Variants in SRD5A2 observed in about 807,000 individuals in gnomAD.
The protein encoded by SRD5A2 is 3-oxo-5-alpha-steroid 4-dehydrogenase 2.
SRD5A2 carries 30 observed loss-of-function variants against 27.4 expected under a neutral mutation model. The ratio of observed to expected loss-of-function variants is 1.10; its 90% CI spans 0.82 to 1.49. The LOEUF is 1.49. SRD5A2 is among the 40% of genes most tolerant of loss of function. The probability of loss-of-function intolerance (pLI) is 0.00; values close to 1 mark genes in which losing one functional copy is unlikely to be tolerated. For missense variants in SRD5A2, 348 were observed against 323.4 expected (o/e 1.08, Z -0.58); for synonymous variants, 141 against 133.6 (o/e 1.06, Z -0.38).
chr2:31,640,188 G>GT, the SRD5A2 span, among the ~76,000 whole-genome samples: 548 of 143,534 alleles, frequency 3.8e-3, 1 homozygote, highest in South Asian at 0.018. Flanking sequence ...TCAGCTGTGT[G>GT]TTTTTTTTTT....
chr2:31,598,893 A>C, the SRD5A2 span, among the ~76,000 whole-genome samples: 1 of 152,142 alleles, frequency 6.6e-6, no homozygotes, highest in South Asian at 2.1e-4. Context: ...TGGATGAAAA[A>C]ACAAGATCCA....
At chr2:31,606,192 G>A in the SRD5A2 span, among the ~76,000 whole-genome samples, 31 of 151,900 alleles carry the variant, frequency 2.0e-4, 1 homozygote, top group Non-Finnish European at 3.1e-4. Flanking sequence ...TAATGGGTAC[G>A]AAATGTAGAA....
chr2:31,593,823 C>T, the SRD5A2 span, among the ~76,000 whole-genome samples: 1 of 152,232 alleles, frequency 6.6e-6, no homozygotes, highest in East Asian at 1.9e-4. Context: ...TAAAGAAAAA[C>T]CTGTCAGATT....
At chr2:31,611,927 A>G in the SRD5A2 span, among the ~76,000 whole-genome samples, 1 of 152,192 alleles carries the variant, frequency 6.6e-6, no homozygotes, top group East Asian at 1.9e-4. Flanking sequence ...ATATAGGAGA[A>G]TAGAAAAACA....
At chr2:31,566,167 T>C (rs1666724457) in intron 1 of SRD5A2, among the ~76,000 whole-genome samples, 1 of 152,008 alleles carries the variant, frequency 6.6e-6, no homozygotes, top group African/African-American at 2.4e-5. Context: ...TAAATTAAAA[T>C]GGTAACAACA....
At chr2:31,600,211 AT>A in the SRD5A2 span, among the ~76,000 whole-genome samples, 361 of 152,052 alleles carry the variant, frequency 2.4e-3, 2 homozygotes, top group African/African-American at 8.4e-3. Flanking sequence ...TATGTGCCAC[AT>A]TTTTTTATCC....
At chr2:31,621,004 G>C in the SRD5A2 span, among the ~76,000 whole-genome samples, 1 of 146,322 alleles carries the variant, frequency 6.8e-6, no homozygotes, top group African/African-American at 2.5e-5. Context: ...ATTTTTAAGG[G>C]TCAGATAGCA....
chr2:31,637,807 A>T, the SRD5A2 span, among the ~76,000 whole-genome samples: 1 of 152,034 alleles, frequency 6.6e-6, no homozygotes, highest in African/African-American at 2.4e-5. Context: ...ATTATTTCTG[A>T]TTTTATTCAT....
chr2:31,572,741 C>A (rs6749019), intron 1 of SRD5A2, among the ~76,000 whole-genome samples: 78,565 of 151,902 alleles, frequency 0.52, 20,544 homozygotes, highest in Non-Finnish European at 0.54. Context: ...TACAAGAGGG[C>A]AGGCAGAGAG....
At chr2:31,574,514 CA>C (rs1666916767) in intron 1 of SRD5A2, among the ~76,000 whole-genome samples, 1 of 152,120 alleles carries the variant, frequency 6.6e-6, no homozygotes, top group Admixed American at 6.5e-5. Flanking sequence ...GTGAAGTGGT[CA>C]CGATCTCCAA....
At chr2:31,654,188 G>T in the SRD5A2 span, among the ~76,000 whole-genome samples, 13 of 152,208 alleles carry the variant, frequency 8.5e-5, no homozygotes, top group East Asian at 2.3e-3. Flanking sequence ...TATACCTGCT[G>T]TTTGCAAAAA....
chr2:31,543,821 A>C (rs1251791703), intron 1 of SRD5A2, among the ~76,000 whole-genome samples: 1 of 152,128 alleles, frequency 6.6e-6, no homozygotes, highest in African/African-American at 2.4e-5. Flanking sequence ...AAATATAAAA[A>C]TTATAGAAGT....
the SRD5A2 span, among the ~76,000 whole-genome samples, chr2:31,587,119 G>T: frequency 6.6e-6 from 1 of 152,280 alleles, no homozygotes; most frequent in East Asian, 1.9e-4. Context: ...AGACATTTAT[G>T]CGGCCAACAA....
chr2:31,634,696 C>T, the SRD5A2 span, among the ~76,000 whole-genome samples: 1 of 151,946 alleles, frequency 6.6e-6, no homozygotes, highest in Admixed American at 6.6e-5. Context: ...ACTCCCTTCC[C>T]TTCCCAGCCT....
chr2:31,583,614 G>GAA (rs1215302510), upstream of SRD5A2, among the ~76,000 whole-genome samples: 4 of 19,092 alleles, frequency 2.1e-4, no homozygotes, highest in Admixed American at 8.0e-4. Context: ...CTCCTTCCAG[G>GAA]AAAAAAAAAA....
the SRD5A2 span, among the ~76,000 whole-genome samples, chr2:31,635,972 T>C: frequency 6.6e-6 from 1 of 152,068 alleles, no homozygotes; most frequent in Non-Finnish European, 1.5e-5. Flanking sequence ...TGAAGTCAAG[T>C]AGTGTAAGGC....
At position 31,564,690 on chromosome 2, in the gene SRD5A2, C is replaced by A. The variant is rs28745286; in HGVS notation, c.281+15930G>T. 9.5e-3 allele frequency among the ~76,000 whole-genome samples: 1,451 copies of A among 151,998 alleles called. 21 individuals are homozygous for A. Among genetic ancestry groups the A allele is most frequent in the South Asian group, 0.028 (136 of 4,818 alleles). ...TAAGTACAGAGGACAAGGATAAGGG[C>A]AAGAACAGATTTCTTGTTGGAAATA... On this transcript the variant is annotated intron_variant, in intron 1 of 4. Coordinates refer to ENST00000622030, the MANE Select transcript of SRD5A2 (RefSeq NM_000348.4).
At chr2:31,550,713 G>A (rs1335429989) in intron 1 of SRD5A2, among the ~76,000 whole-genome samples, 2 of 151,862 alleles carry the variant, frequency 1.3e-5, no homozygotes, top group Non-Finnish European at 1.5e-5. Context: ...ATAAGAAATA[G>A]AAAATAAGAG....
the SRD5A2 span, among the ~76,000 whole-genome samples, chr2:31,611,471 T>C: frequency 1.3e-5 from 2 of 152,122 alleles, no homozygotes; most frequent in South Asian, 2.1e-4. Context: ...GTATCCATCA[T>C]ACATAAAGAA....
Sources: gnomAD v4.1 joint callset for allele counts (sites outside exome capture counted in the v4.1 genomes callset) on GRCh38, gnomAD v4.1.1 for gene constraint, MANE v1.5 for transcripts, NCBI Gene and HGNC (gene_info 2026-07-23, HGNC 2026-07-21) for gene names.